TRPM7: variants seen among roughly 807,000 people sequenced by gnomAD.
TRPM7 encodes the protein transient receptor potential cation channel subfamily M member 7, also known as LTRPC ion channel family member 7.
TRPM7 carries 134 observed loss-of-function variants against 229.7 expected under a neutral mutation model. The ratio of observed to expected loss-of-function variants is 0.58; its 90% confidence interval spans 0.51 to 0.67. The LOEUF (loss-of-function observed/expected upper bound fraction) is 0.67. Ranked by LOEUF, TRPM7 falls within the 30% of genes least tolerant of loss-of-function variation. TRPM7 has a pLI of 0.00. For synonymous variants in TRPM7, 699 were observed against 715.2 expected (o/e 0.98, Z 0.36); for missense variants, 1,901 against 2,210.0 (o/e 0.86, Z 2.80).
chr15:50,634,483 T>G lies in TRPM7; in HGVS notation c.906A>C (p.Glu302Asp). ...GGPNVILTVL[E>D]YLQESPPVPV... ...GAACAGGGGGGCTTTCCTGAAGGTA[T>G]TCAAGAACTGTGAGGATAACATTTG... The change falls in exon 8 of 39, where the codon GAA (glutamate) becomes GAC (aspartate). Residue 302 changes from glutamate (E) to aspartate (D), a missense_variant. This residue lies in a region of TRPM7 where 794 missense variants were observed against 881.9 expected (regional missense o/e 0.90). Transcript: ENST00000646667. 1 of 1,583,250 alleles carries G rather than the reference T, an allele frequency of 6.3e-7. No individual in the cohort carries two copies. Among genetic ancestry groups the G allele is most frequent in the Non-Finnish European group, 8.6e-7 (1 of 1,167,244 alleles).
chr15:50,629,817 T>G (rs1347007096), intron 10 of TRPM7, among the ~76,000 whole-genome samples: 1 of 151,042 alleles, frequency 6.6e-6, no homozygotes, highest in African/African-American at 2.4e-5. Context: ...CACAGAAAAG[T>G]ACATGGTAAA....
chr15:50,629,859 C>CTTTTT (rs33991422), intron 10 of TRPM7, among the ~76,000 whole-genome samples: 9 of 106,522 alleles, frequency 8.4e-5, no homozygotes, highest in East Asian at 3.1e-4. Flanking sequence ...TCTTTTTAAC[C>CTTTTT]TTTTTTTTTT....
intron 4 of TRPM7, among the ~76,000 whole-genome samples, chr15:50,648,127 T>C (rs1261602014): frequency 7.3e-6 from 1 of 137,620 alleles, no homozygotes; most frequent in East Asian, 2.2e-4. Flanking sequence ...TACAAGAGGG[T>C]GTGCATAGAT....
chr15:50,597,029 T>C (rs1014305544), intron 22 of TRPM7, among the ~76,000 whole-genome samples: 2 of 152,240 alleles, frequency 1.3e-5, no homozygotes, highest in African/African-American at 4.8e-5. Flanking sequence ...ATTATACGCA[T>C]GACTCAACTT....
intron 3 of TRPM7, among the ~76,000 whole-genome samples, chr15:50,651,762 C>T (rs1188395532): frequency 2.0e-5 from 3 of 151,972 alleles, no homozygotes; most frequent in South Asian, 2.1e-4. Context: ...TCGTGGCAGT[C>T]GCCTGTAATC....
At chr15:50,585,048 G>GTTTTTTT (rs1488163306) in intron 28 of TRPM7, among the ~76,000 whole-genome samples, 8 of 85,780 alleles carry the variant, frequency 9.3e-5, no homozygotes, top group African/African-American at 3.5e-4. Context: ...GCTAATTTTT[G>GTTTTTTT]TATTTTTTTT....
intron 12 of TRPM7, among the ~76,000 whole-genome samples, chr15:50,620,072 T>C (rs1274917731): frequency 6.6e-6 from 1 of 152,242 alleles, no homozygotes; most frequent in Admixed American, 6.5e-5. Context: ...TTTACATTTC[T>C]TTCATTGATA....
At chr15:50,627,164 A>G (rs1277801213) in intron 11 of TRPM7, among the ~76,000 whole-genome samples, 3 of 152,248 alleles carry the variant, frequency 2.0e-5, no homozygotes, top group Non-Finnish European at 2.9e-5. Flanking sequence ...CTGTCAATAC[A>G]GTAGTAAACA....
chr15:50,682,235 T>G (rs2062258152), intron 1 of TRPM7, among the ~76,000 whole-genome samples: 1 of 144,598 alleles, frequency 6.9e-6, no homozygotes, highest in Non-Finnish European at 1.5e-5. Context: ...AAGTCTTGAC[T>G]TATCAACTTC....
intron 1 of TRPM7, among the ~76,000 whole-genome samples, chr15:50,675,899 T>C (rs2062083154): frequency 6.6e-6 from 1 of 152,212 alleles, no homozygotes; most frequent in South Asian, 2.1e-4. Flanking sequence ...TGGTCTGAGT[T>C]AGGATCCCAG....
chr15:50,651,170 C>T (rs151155268), intron 3 of TRPM7, among the ~76,000 whole-genome samples: 2 of 152,086 alleles, frequency 1.3e-5, no homozygotes, highest in African/African-American at 2.4e-5. Flanking sequence ...CTGGGTGACA[C>T]AGAGAGACCC....
chr15:50,666,660 G>C (rs1027777777), intron 1 of TRPM7, among the ~76,000 whole-genome samples: 1 of 152,070 alleles, frequency 6.6e-6, no homozygotes, highest in African/African-American at 2.4e-5. Context: ...AAATTAGCCA[G>C]GCATGGTGGT....
rs3803375 is a variant in TRPM7, at chr15:50,561,358, G to A, written c.*320C>T. The A allele has an allele frequency of 2.9e-4, 64 of 220,094 alleles. No individual in the cohort carries two copies. The East Asian group carries it at 6.1e-3, about 21-fold the overall frequency. The allele number at this position is 220,094 out of a possible 1,614,324, so 13.6% of individuals were successfully genotyped here. A position where few individuals can be genotyped will look rare whatever the true frequency, so the allele number is the denominator to read the frequency against. ...ACACCTACCTTTGGTTAATGGTATT[G>A]TACCACATAAGAGAGAGCATCACCC... On this transcript the variant is annotated 3_prime_UTR_variant, in exon 39 of 39. Coordinates refer to ENST00000646667, the MANE Select transcript of TRPM7 (RefSeq NM_017672.6).
intron 1 of TRPM7, among the ~76,000 whole-genome samples, chr15:50,679,537 TA>T (rs1486593294): frequency 0.19 from 5,983 of 30,910 alleles, 190 homozygotes; most frequent in East Asian, 0.28. Context: ...TATATATATA[TA>T]TTTTTTTTTT....
At chr15:50,585,050 ATTTTTTT>A (rs755433337) in intron 28 of TRPM7, among the ~76,000 whole-genome samples, 1 of 95,056 alleles carries the variant, frequency 1.1e-5, no homozygotes, top group Non-Finnish European at 2.0e-5. Context: ...TAATTTTTGT[ATTTTTTT>A]TTTTTTTTTT....
chr15:50,618,632 TTA>T, intron 13 of TRPM7, among the ~76,000 whole-genome samples: 1 of 151,732 alleles, frequency 6.6e-6, no homozygotes, highest in Non-Finnish European at 1.5e-5. Flanking sequence ...TTAAAATGAT[TTA>T]TATATATTTA....
chr15:50,672,625 A>C (rs2062013101), intron 1 of TRPM7, among the ~76,000 whole-genome samples: 1 of 152,002 alleles, frequency 6.6e-6, no homozygotes, highest in Non-Finnish European at 1.5e-5. Context: ...AATAGAAAAA[A>C]GTAGCCAGGT....
intron 28 of TRPM7, 99 bp from the exon 29 acceptor site, chr15:50,583,258 A>T (rs1434613662): frequency 2.8e-6 from 2 of 711,918 alleles, no homozygotes; most frequent in African/African-American, 3.7e-5. Flanking sequence ...TATAACCTTC[A>T]TAAGATAACT....
chr15:50,585,961 G>A (rs1362473533), intron 28 of TRPM7, among the ~76,000 whole-genome samples: 2 of 152,102 alleles, frequency 1.3e-5, no homozygotes, highest in African/African-American at 2.4e-5. Flanking sequence ...CTAAAGGGTA[G>A]ACAAATAGTG....
Sources: allele counts gnomAD v4.1 joint callset (sites outside exome capture counted in the v4.1 genomes callset), GRCh38; gene constraint gnomAD v4.1.1; regional missense constraint gnomAD v4.1.1; transcripts MANE v1.5; gene names NCBI Gene and HGNC (gene_info 2026-07-23, HGNC 2026-07-21).